Variants in PTPRT observed in about 807,000 individuals in gnomAD.
PTPRT encodes the protein receptor-type tyrosine-protein phosphatase T.
PTPRT carries 56 observed loss-of-function variants against 176.8 expected under a neutral mutation model. The ratio of observed to expected loss-of-function variants is 0.32; its 90% CI spans 0.26 to 0.40. The LOEUF (loss-of-function observed/expected upper bound fraction) is 0.40, where lower values mean the gene tolerates loss of function less well. Among genes scored for constraint, PTPRT ranks in the 10% least tolerant of loss-of-function variants. PTPRT has a pLI of 1.00. For missense variants in PTPRT, 1,540 were observed against 1,908.2 expected (o/e 0.81, Z 3.60); for synonymous variants, 783 against 739.0 (o/e 1.06, Z -0.96).
chr20:42,094,427 C>A (rs1474654640), intron 27 of PTPRT, among the ~76,000 whole-genome samples: 1 of 152,106 alleles, frequency 6.6e-6, no homozygotes, highest in African/African-American at 2.4e-5. Flanking sequence ...ATCCTTCATT[C>A]CTCTTTCTTT....
At chr20:42,573,387 A>G (rs6124475) in intron 7 of PTPRT, among the ~76,000 whole-genome samples, 7,945 of 152,124 alleles carry the variant, frequency 0.052, 243 homozygotes, top group Middle Eastern at 0.11. Context: ...CCCTTCCTCC[A>G]TAGATAGGAG....
chr20:42,045,833 T>C, the PTPRT span, among the ~76,000 whole-genome samples: 1 of 152,220 alleles, frequency 6.6e-6, no homozygotes, highest in South Asian at 2.1e-4. Context: ...TTTATTTCTC[T>C]ATAAATCATC....
At chr20:43,083,351 T>TATATATATAC (rs1419855835) in intron 1 of PTPRT, among the ~76,000 whole-genome samples, 15 of 114,286 alleles carry the variant, frequency 1.3e-4, no homozygotes, top group Admixed American at 3.8e-4. Context: ...TATATATATA[T>TATATATATAC]ATATATATAT....
intron 1 of PTPRT, among the ~76,000 whole-genome samples, chr20:42,927,180 C>T (rs893642341): frequency 6.6e-6 from 1 of 152,184 alleles, no homozygotes; most frequent in Admixed American, 6.5e-5. Context: ...CAGGTGTTGG[C>T]AGCTCCCAGA....
At chr20:42,244,743 G>A (rs918757745) in intron 14 of PTPRT, among the ~76,000 whole-genome samples, 5 of 152,118 alleles carry the variant, frequency 3.3e-5, no homozygotes, top group African/African-American at 7.2e-5. Context: ...ATAATTTCAC[G>A]CTCCACAAAC....
At chr20:42,807,635 G>A (rs1429758678) in intron 2 of PTPRT, among the ~76,000 whole-genome samples, 1 of 151,986 alleles carries the variant, frequency 6.6e-6, no homozygotes, top group Admixed American at 6.5e-5. Flanking sequence ...GATATACTAC[G>A]ACCCAGGGCC....
chr20:42,310,938 T>C (rs995652014), intron 12 of PTPRT, among the ~76,000 whole-genome samples: 3 of 152,208 alleles, frequency 2.0e-5, no homozygotes, highest in Non-Finnish European at 4.4e-5. Flanking sequence ...ACATATCTTA[T>C]AGTGCATGCC....
chr20:42,627,793 G>A (rs914247131), intron 7 of PTPRT, among the ~76,000 whole-genome samples: 35 of 151,622 alleles, frequency 2.3e-4, no homozygotes, highest in African/African-American at 8.0e-4. Context: ...CATTTTAGTT[G>A]CAATCTGAGA....
In PTPRT at chr20:42,384,497, C is replaced by T. The variant is rs138379489; in HGVS notation, c.1561-32212G>A. ...GAAGAATAGACCCCATTTTCTTTAT[C>T]GATTCATTCACCAGTGGGCATTTAG... is the stretch of plus-strand genomic sequence containing the variant. On this transcript the variant is annotated intron_variant, in intron 9 of 30. Coordinates refer to ENST00000373187, the MANE Select transcript of PTPRT (RefSeq NM_007050.6). Among the ~76,000 whole-genome samples, 254 of 152,180 alleles carry T rather than the reference C, an allele frequency of 1.7e-3. 3 individuals carry two copies. The highest frequency in any genetic ancestry group is 4.7e-3 in the African/African-American group (194 of 41,514).
intron 7 of PTPRT, among the ~76,000 whole-genome samples, chr20:42,623,203 C>T (rs1177758616): frequency 6.6e-6 from 1 of 152,238 alleles, no homozygotes; most frequent in Non-Finnish European, 1.5e-5. Context: ...CAAGAGGGCA[C>T]TGAGCTGGTT....
At chr20:42,875,115 A>C (rs1331101018) in intron 2 of PTPRT, among the ~76,000 whole-genome samples, 1 of 152,194 alleles carries the variant, frequency 6.6e-6, no homozygotes, top group Non-Finnish European at 1.5e-5. Context: ...TACTTTTTGA[A>C]TCTAGGTATG....
intron 1 of PTPRT, among the ~76,000 whole-genome samples, chr20:43,028,354 A>G (rs747633449): frequency 6.6e-6 from 1 of 152,116 alleles, no homozygotes; most frequent in Admixed American, 6.5e-5. Flanking sequence ...ATGCATAGCA[A>G]TATTTTCCTA....
chr20:42,431,486 C>T (rs1178734543), intron 9 of PTPRT, among the ~76,000 whole-genome samples: 1 of 152,068 alleles, frequency 6.6e-6, no homozygotes, highest in Non-Finnish European at 1.5e-5. Context: ...TGTGATTAAA[C>T]AGTTAATGAA....
intron 12 of PTPRT, among the ~76,000 whole-genome samples, chr20:42,295,045 G>A (rs755391879): frequency 2.6e-5 from 4 of 152,030 alleles, no homozygotes; most frequent in African/African-American, 4.8e-5. Flanking sequence ...GACAAAATAG[G>A]TAGGTAAATA....
intron 1 of PTPRT, among the ~76,000 whole-genome samples, chr20:43,028,607 G>C (rs141486668): frequency 6.6e-6 from 1 of 152,082 alleles, no homozygotes; most frequent in African/African-American, 2.4e-5. Context: ...AGGTCACAAA[G>C]CATCTCTAGA....
At chr20:42,697,941 A>T (rs1421811398) in intron 6 of PTPRT, among the ~76,000 whole-genome samples, 1 of 152,250 alleles carries the variant, frequency 6.6e-6, no homozygotes, top group Non-Finnish European at 1.5e-5. Flanking sequence ...TTAAAGCCAC[A>T]TATAACAAAG....
At chr20:42,902,752 A>G (rs2079422929) in intron 1 of PTPRT, among the ~76,000 whole-genome samples, 1 of 152,168 alleles carries the variant, frequency 6.6e-6, no homozygotes, top group South Asian at 2.1e-4. Context: ...CTTATAAAGG[A>G]CAGAGTCGGG....
intron 13 of PTPRT, among the ~76,000 whole-genome samples, chr20:42,268,726 G>T (rs1329181875): frequency 6.6e-6 from 1 of 152,212 alleles, no homozygotes; most frequent in Non-Finnish European, 1.5e-5. Flanking sequence ...ATCTAACAGG[G>T]AGTGGCTGAG....
At chr20:42,708,281 A>G (rs186243956) in intron 6 of PTPRT, among the ~76,000 whole-genome samples, 1 of 152,322 alleles carries the variant, frequency 6.6e-6, no homozygotes, top group East Asian at 1.9e-4. Context: ...AAAATATTAT[A>G]AAATTCAAGA....
Sources: allele counts gnomAD v4.1 joint callset (sites outside exome capture counted in the v4.1 genomes callset), GRCh38; gene constraint gnomAD v4.1.1; transcripts MANE v1.5; gene names NCBI Gene and HGNC (gene_info 2026-07-23, HGNC 2026-07-21).